Variants in GPM6A observed in about 807,000 individuals in gnomAD.
GPM6A encodes the protein neuronal membrane glycoprotein M6-a.
A neutral mutation model predicts 32.1 loss-of-function variants in GPM6A; 7 were observed. The observed-to-expected ratio is 0.22, with a 90% confidence interval of 0.12 to 0.41. The LOEUF (loss-of-function observed/expected upper bound fraction) is 0.41. GPM6A is among the 10% of genes least tolerant of loss of function. GPM6A has a pLI of 1.00. For synonymous variants in GPM6A, 130 were observed against 123.4 expected (o/e 1.05, Z -0.35); for missense variants, 235 against 347.2 (o/e 0.68, Z 2.57).
chr4:175,729,911 T>A (rs1324702144), intron 1 of GPM6A, among the ~76,000 whole-genome samples: 1 of 146,852 alleles, frequency 6.8e-6, no homozygotes, highest in African/African-American at 2.5e-5. Context: ...ATTCAAATAA[T>A]ATATATATTA....
intron 1 of GPM6A, among the ~76,000 whole-genome samples, chr4:175,953,615 A>G (rs1182232067): frequency 6.6e-6 from 1 of 152,200 alleles, no homozygotes; most frequent in Non-Finnish European, 1.5e-5. Context: ...AAAAACTACC[A>G]TGGAGGTCGG....
At chr4:175,929,783 G>C (rs572803531) in intron 1 of GPM6A, among the ~76,000 whole-genome samples, 1 of 152,248 alleles carries the variant, frequency 6.6e-6, no homozygotes, top group South Asian at 2.1e-4. Context: ...GTAAGTGGGA[G>C]AAGTATATAA....
At chr4:175,912,912 A>C (rs1738367597) in intron 1 of GPM6A, among the ~76,000 whole-genome samples, 1 of 152,204 alleles carries the variant, frequency 6.6e-6, no homozygotes, top group East Asian at 1.9e-4. Context: ...CATTATCAAT[A>C]AAATGAGAGC....
At chr4:175,785,197 TA>T (rs1733754449) in intron 1 of GPM6A, among the ~76,000 whole-genome samples, 1 of 152,190 alleles carries the variant, frequency 6.6e-6, no homozygotes, top group Non-Finnish European at 1.5e-5. Context: ...ATCGCCATGC[TA>T]TGAAAAGTTC....
chr4:175,744,002 G>A (rs374675537), intron 1 of GPM6A, among the ~76,000 whole-genome samples: 2 of 150,010 alleles, frequency 1.3e-5, no homozygotes, highest in Admixed American at 6.7e-5. Context: ...TAGAAGAGAT[G>A]AACAAAAAGG....
At chr4:175,940,801 G>T (rs1038557977) in intron 1 of GPM6A, among the ~76,000 whole-genome samples, 10 of 152,148 alleles carry the variant, frequency 6.6e-5, no homozygotes, top group Non-Finnish European at 1.5e-4. Context: ...TAGAGACAGG[G>T]TTTGCCCATG....
At chr4:175,737,456 G>A (rs915591475) in intron 1 of GPM6A, among the ~76,000 whole-genome samples, 11 of 151,736 alleles carry the variant, frequency 7.2e-5, no homozygotes, top group South Asian at 4.2e-4. Context: ...CCAGTGAGCC[G>A]AGATTGTGCC....
intron 1 of GPM6A, among the ~76,000 whole-genome samples, chr4:175,837,882 GT>G (rs1384325139): frequency 6.6e-6 from 1 of 151,940 alleles, no homozygotes; most frequent in Non-Finnish European, 1.5e-5. Flanking sequence ...TAAGAACTTT[GT>G]TAAGTACAAA....
At chr4:175,646,178 A>G (rs1367037675) in intron 4 of GPM6A, among the ~76,000 whole-genome samples, 1 of 152,194 alleles carries the variant, frequency 6.6e-6, no homozygotes, top group Non-Finnish European at 1.5e-5. Context: ...CCCCCTTGAC[A>G]TGTCACCTAA....
At chr4:175,864,162 C>A (rs899946617) in intron 1 of GPM6A, among the ~76,000 whole-genome samples, 1 of 151,944 alleles carries the variant, frequency 6.6e-6, no homozygotes, top group South Asian at 2.1e-4. Flanking sequence ...TTTTCATGTG[C>A]CATTTGTTTT....
intron 6 of GPM6A, among the ~76,000 whole-genome samples, chr4:175,635,613 A>AT (rs1445417423): frequency 3.3e-5 from 5 of 152,046 alleles, no homozygotes; most frequent in African/African-American, 9.7e-5. Context: ...TGTTACATGG[A>AT]TTTTTTATAT....
chr4:175,708,310 T>C (rs1745323986), intron 1 of GPM6A, among the ~76,000 whole-genome samples: 2 of 152,154 alleles, frequency 1.3e-5, no homozygotes, highest in South Asian at 4.1e-4. Context: ...ATTTGTGAAA[T>C]GGTCTGGAGG....
At chr4:175,740,399 A>G (rs2111164502) in intron 1 of GPM6A, among the ~76,000 whole-genome samples, 1 of 152,178 alleles carries the variant, frequency 6.6e-6, no homozygotes, top group African/African-American at 2.4e-5. Flanking sequence ...AATTTAAATA[A>G]CCTAACATTA....
intron 1 of GPM6A, among the ~76,000 whole-genome samples, chr4:175,895,410 T>C (rs558982713): frequency 3.3e-5 from 5 of 152,252 alleles, no homozygotes; most frequent in African/African-American, 1.2e-4. Context: ...AAAAAAATGG[T>C]GAATAAGTTA....
chr4:175,643,071 T>C (rs1741244908), intron 4 of GPM6A, among the ~76,000 whole-genome samples: 1 of 152,124 alleles, frequency 6.6e-6, no homozygotes. Flanking sequence ...TTCTGCTGCC[T>C]CTATGTTCAA....
At chr4:175,976,249 G>C (rs1740656322) in intron 1 of GPM6A, among the ~76,000 whole-genome samples, 1 of 146,282 alleles carries the variant, frequency 6.8e-6, no homozygotes, top group Admixed American at 6.9e-5. Context: ...TGCAAGCTCC[G>C]CCTCCCAAGT....
At chr4:175,857,954 C>T (rs1378086925) in intron 1 of GPM6A, among the ~76,000 whole-genome samples, 3 of 151,872 alleles carry the variant, frequency 2.0e-5, no homozygotes, top group Non-Finnish European at 2.9e-5. Context: ...TTTAAAAATA[C>T]CATTTATAAT....
At chr4:175,867,837 G>A (rs1433301257) in intron 1 of GPM6A, among the ~76,000 whole-genome samples, 2 of 152,130 alleles carry the variant, frequency 1.3e-5, no homozygotes, top group Non-Finnish European at 2.9e-5. Context: ...CCTTCCCCCA[G>A]ATCAGTTAGG....
intron 1 of GPM6A, among the ~76,000 whole-genome samples, chr4:175,820,322 T>TA (rs1416607042): frequency 1.3e-5 from 2 of 152,178 alleles, no homozygotes; most frequent in African/African-American, 4.8e-5. Context: ...CCTTTCCTTA[T>TA]ATCTTCTTCA....
Sources: gnomAD v4.1 joint callset for allele counts (sites outside exome capture counted in the v4.1 genomes callset) on GRCh38, gnomAD v4.1.1 for gene constraint, MANE v1.5 for transcripts, NCBI Gene and HGNC (gene_info 2026-07-23, HGNC 2026-07-21) for gene names.